RASGRF2: variants seen among roughly 807,000 people sequenced by gnomAD.
RASGRF2 encodes ras-specific guanine nucleotide-releasing factor 2.
RASGRF2 carries 76 observed loss-of-function variants against 151.0 expected under a neutral mutation model. The observed-to-expected ratio is 0.50, with a 90% CI of 0.42 to 0.61. The LOEUF is 0.61. RASGRF2 is among the 20% of genes least tolerant of loss of function. The pLI is 0.00. For missense variants in RASGRF2, 1,148 were observed against 1,564.6 expected (o/e 0.73, Z 4.49); for synonymous variants, 504 against 566.5 (o/e 0.89, Z 1.57).
chr5:81,108,886 G>C (rs1325077565), intron 12 of RASGRF2, 110 bp from the exon 13 acceptor site: 1 of 1,403,794 alleles, frequency 7.1e-7, no homozygotes, highest in African/African-American at 1.4e-5. Context: ...GTGTGTAAGA[G>C]ACAGGGAGAG....
At chr5:81,102,167 T>C (rs992489967) in intron 12 of RASGRF2, among the ~76,000 whole-genome samples, 5 of 152,204 alleles carry the variant, frequency 3.3e-5, no homozygotes, top group African/African-American at 1.2e-4. Context: ...ACTTACAGAC[T>C]TGGGAATGAT....
intron 17 of RASGRF2, among the ~76,000 whole-genome samples, chr5:81,173,680 G>T (rs1156444784): frequency 6.6e-6 from 1 of 152,162 alleles, no homozygotes; most frequent in African/African-American, 2.4e-5. Flanking sequence ...GTTCTAGATT[G>T]GTTCAATGGG....
intron 11 of RASGRF2, among the ~76,000 whole-genome samples, chr5:81,094,607 T>G (rs969507771): frequency 3.9e-5 from 6 of 152,134 alleles, no homozygotes; most frequent in Admixed American, 6.5e-5. Context: ...CATGGGAATT[T>G]TTTTTAAAAA....
chr5:80,982,793 G>A (rs1342012336), intron 1 of RASGRF2, among the ~76,000 whole-genome samples: 1 of 151,834 alleles, frequency 6.6e-6, no homozygotes, highest in Non-Finnish European at 1.5e-5. Context: ...GTAGAGACGG[G>A]GTTTCACCGT....
rs573679434 is a variant in RASGRF2, at chr5:81,225,860, G to A, written c.*90G>A. 1.3e-4 allele frequency: 174 copies of A among 1,336,492 alleles called. No homozygotes were observed. The South Asian group carries it at 2.3e-3, about 18-fold the overall frequency. The allele number at this position is 1,336,492 out of a possible 1,614,324, so 82.8% of individuals were successfully genotyped here. A position where few individuals can be genotyped will look rare whatever the true frequency, so the allele number is the denominator to read the frequency against. Reference sequence around the variant, plus strand: ...TGCCTTGCCTATCACGGTACAGCACGAAGCCAGGCTCCTTTCTCCACCAAA... The same window carrying A: ...TGCCTTGCCTATCACGGTACAGCACAAAGCCAGGCTCCTTTCTCCACCAAA... On this transcript the variant is annotated 3_prime_UTR_variant, in exon 27 of 27. Transcript: ENST00000265080.
chr5:81,169,391 AG>A (rs1411572985), intron 17 of RASGRF2, among the ~76,000 whole-genome samples: 1 of 152,170 alleles, frequency 6.6e-6, no homozygotes. Context: ...AGGTGTCATC[AG>A]GGCCATACTT....
chr5:81,196,320 G>A (rs1465478637), intron 18 of RASGRF2, among the ~76,000 whole-genome samples: 1 of 152,166 alleles, frequency 6.6e-6, no homozygotes, highest in Non-Finnish European at 1.5e-5. Context: ...GTAAAAACCT[G>A]TGCAAATGTA....
intron 1 of RASGRF2, among the ~76,000 whole-genome samples, chr5:80,964,004 T>G (rs1012049898): frequency 1.7e-4 from 26 of 151,346 alleles, no homozygotes; most frequent in Admixed American, 1.3e-3. Flanking sequence ...AATCCGTTTT[T>G]TTTTTTTTTT....
At position 81,008,139 on chromosome 5, in the gene RASGRF2, CTTTTTTTTTT is replaced by C. The variant is rs58105434; in HGVS notation, c.289-34718_289-34709del. Among the ~76,000 whole-genome samples, 619 of 85,416 alleles carry C rather than the reference CTTTTTTTTTT, an allele frequency of 7.2e-3. 2 individuals are homozygous for C. The highest frequency in any genetic ancestry group is 0.011 in the Non-Finnish European group (513 of 45,048). 56.0% of individuals were successfully genotyped at this position (85,416 alleles called of 152,430 possible). ...AGTTTTCTTTTTCTTTCTTTCTTTCCTTTTTTTTTTTTTTTTTTTTTTTTTTTTTGAGACA... is the reference window on the plus strand; with the variant it reads ...AGTTTTCTTTTTCTTTCTTTCTTTCCTTTTTTTTTTTTTTTTTTTGAGACA... On this transcript the variant is annotated intron_variant, in intron 1 of 26. Coordinates refer to ENST00000265080, the MANE Select transcript of RASGRF2 (RefSeq NM_006909.3).
chr5:81,104,188 G>A (rs1237863212), intron 12 of RASGRF2, among the ~76,000 whole-genome samples: 2 of 152,112 alleles, frequency 1.3e-5, no homozygotes, highest in Non-Finnish European at 2.9e-5. Context: ...ATGATGATCT[G>A]TAGAAAATAT....
Position 81,148,295 on chromosome 5 carries a change from T to G in RASGRF2, c.2686+21132T>G, listed in dbSNP as rs1754051426. On this transcript the variant is annotated intron_variant, in intron 17 of 26. Transcript: ENST00000265080. ...TTTCACAGCCACATCTCTCTGATATTTCAAGGGACAGCTGAAGAATTAATT... is the reference window on the plus strand; with the variant it reads ...TTTCACAGCCACATCTCTCTGATATGTCAAGGGACAGCTGAAGAATTAATT... Among the ~76,000 whole-genome samples the G allele has an allele frequency of 2.0e-5, 3 of 152,158 alleles. No homozygotes were observed. In the South Asian group the frequency reaches 6.2e-4, roughly 31 times the overall value.
At chr5:81,195,093 G>A (rs1373620238) in intron 18 of RASGRF2, among the ~76,000 whole-genome samples, 1 of 152,222 alleles carries the variant, frequency 6.6e-6, no homozygotes, top group Non-Finnish European at 1.5e-5. Flanking sequence ...TCTCTTGGGT[G>A]CCATGGATTC....
intron 13 of RASGRF2, among the ~76,000 whole-genome samples, chr5:81,112,301 A>G (rs1753017681): frequency 6.6e-6 from 1 of 152,236 alleles, no homozygotes; most frequent in Non-Finnish European, 1.5e-5. Flanking sequence ...TTTACGTAAT[A>G]TTCACATTGT....
chr5:81,007,443 A>G (rs558937521), intron 1 of RASGRF2, among the ~76,000 whole-genome samples: 11 of 152,004 alleles, frequency 7.2e-5, no homozygotes, highest in African/African-American at 2.7e-4. Context: ...TTTCCCAGGG[A>G]CCCTCTCCCT....
chr5:81,036,889 T>C (rs1337045989), intron 1 of RASGRF2, among the ~76,000 whole-genome samples: 4 of 152,164 alleles, frequency 2.6e-5, no homozygotes, highest in African/African-American at 9.7e-5. Context: ...TAGGAAGGGA[T>C]TTGTATTAGT....
At chr5:81,090,390 T>C (rs771835072) in intron 9 of RASGRF2, among the ~76,000 whole-genome samples, 1 of 152,238 alleles carries the variant, frequency 6.6e-6, no homozygotes. Context: ...AGCAATGATC[T>C]GATGAATTAC....
chr5:81,142,701 G>C (rs1027541815), intron 17 of RASGRF2, among the ~76,000 whole-genome samples: 1 of 152,124 alleles, frequency 6.6e-6, no homozygotes, highest in Non-Finnish European at 1.5e-5. Context: ...TATGTGCTTT[G>C]CAGCACCCAG....
intron 9 of RASGRF2, among the ~76,000 whole-genome samples, chr5:81,090,458 A>G (rs1190968048): frequency 6.6e-6 from 1 of 152,244 alleles, no homozygotes; most frequent in African/African-American, 2.4e-5. Flanking sequence ...TCCTTTCTTC[A>G]TATCTCATAG....
At chr5:81,054,917 GCTCT>G (rs1238918924) in intron 2 of RASGRF2, among the ~76,000 whole-genome samples, 1 of 151,890 alleles carries the variant, frequency 6.6e-6, no homozygotes, top group Admixed American at 6.6e-5. Flanking sequence ...TCATGATTTG[GCTCT>G]CTGTTTGCTT....
Sources: allele counts gnomAD v4.1 joint callset (sites outside exome capture counted in the v4.1 genomes callset), GRCh38; gene constraint gnomAD v4.1.1; transcripts MANE v1.5; gene names NCBI Gene and HGNC (gene_info 2026-07-23, HGNC 2026-07-21).